The following SSC4D variants were observed in gnomAD, a reference collection of about 807,000 sequenced individuals.
SSC4D encodes the protein scavenger receptor cysteine rich family member with 4 domains, also known as scavenger receptor cysteine-rich domain-containing group B protein.
SSC4D carries 57 observed loss-of-function variants against 63.4 expected under a neutral mutation model. The observed-to-expected ratio is 0.90, with a 90% CI of 0.73 to 1.12. The LOEUF (loss-of-function observed/expected upper bound fraction) is 1.12, where lower values mean the gene tolerates loss of function less well. SSC4D is among the 50% of genes most tolerant of loss of function. SSC4D has a pLI of 0.00. For missense variants in SSC4D, 791 were observed against 806.4 expected (o/e 0.98, Z 0.23); for synonymous variants, 352 against 345.4 (o/e 1.02, Z -0.21).
chr7:76,406,717 A>T (rs1430108034), intron 1 of SSC4D, among the ~76,000 whole-genome samples: 3 of 150,784 alleles, frequency 2.0e-5, no homozygotes, highest in Non-Finnish European at 4.4e-5. Context: ...CTGGTCTCAA[A>T]CTCCTGGCCT....
rs1804937203 is a variant in SSC4D, at chr7:76,404,517, G to T, written c.-66-12C>A. ...CACAGTTGGAACATCTGAAATTAAA[G>T]ATCCCAAATGTTGCTGGGCCTCCCA... On this transcript the variant is annotated splice_polypyrimidine_tract_variant and intron_variant, in intron 1 of 10. Coordinates refer to ENST00000275560, the MANE Select transcript of SSC4D (RefSeq NM_080744.2). 2 of 1,607,792 alleles carry T rather than the reference G, an allele frequency of 1.2e-6. No homozygotes were observed. Among genetic ancestry groups the T allele is most frequent in the South Asian group, 2.2e-5 (2 of 90,864 alleles).
chr7:76,392,359 G>C lies in SSC4D; in HGVS notation c.1334-318C>G, dbSNP rs980150383. Among the ~76,000 whole-genome samples the C allele has an allele frequency of 2.6e-5, 4 of 152,050 alleles. No homozygotes were observed. The East Asian group carries it at 7.7e-4, about 29-fold the overall frequency. The stretch of plus-strand genomic sequence containing the variant: ...AGGTCAGGAGTTCGTAGACCAGCCT[G>C]GCCAACATGGTGAAACCCCGTCTCT... On this transcript the variant is annotated intron_variant, in intron 9 of 10. Coordinates refer to ENST00000275560, the MANE Select transcript of SSC4D (RefSeq NM_080744.2).
Position 76,402,326 on chromosome 7 carries a change from C to T in SSC4D, c.134-1283G>A, listed in dbSNP as rs539701513. On this transcript the variant is annotated intron_variant, in intron 2 of 10. Coordinates refer to ENST00000275560, the MANE Select transcript of SSC4D (RefSeq NM_080744.2). ...TCCCGAGTAATTGGGACTGCAGGCG[C>T]ACACCGCCACACCCAGCTAATTTTT... 1.0e-3 allele frequency among the ~76,000 whole-genome samples: 153 copies of T among 151,590 alleles called. 1 individual carries two copies. The highest frequency in any genetic ancestry group is 3.6e-3 in the African/African-American group (150 of 41,344).
At chr7:76,405,323 T>C (rs57079985) in intron 1 of SSC4D, among the ~76,000 whole-genome samples, 1,329 of 29,092 alleles carry the variant, frequency 0.046, 101 homozygotes, top group African/African-American at 0.14. Flanking sequence ...ATATGTATTT[T>C]TTTCTTTCTT....
At chr7:76,391,396 G>A (rs997347224) in intron 10 of SSC4D, among the ~76,000 whole-genome samples, 16 of 152,166 alleles carry the variant, frequency 1.1e-4, no homozygotes, top group African/African-American at 3.9e-4. Flanking sequence ...CTGCACTCCA[G>A]CCTGGGTGAC....
chr7:76,407,813 A>T (rs1361163056), intron 1 of SSC4D, among the ~76,000 whole-genome samples: 1 of 152,194 alleles, frequency 6.6e-6, no homozygotes, highest in Non-Finnish European at 1.5e-5. Context: ...AGTGTCCCAG[A>T]AGCCTCTCTC....
At chr7:76,406,557 C>G (rs577993804) in intron 1 of SSC4D, among the ~76,000 whole-genome samples, 1 of 152,016 alleles carries the variant, frequency 6.6e-6, no homozygotes, top group East Asian at 1.9e-4. Flanking sequence ...GATCATGGCT[C>G]ACTGCAACCT....
At position 76,397,813 on chromosome 7, in the gene SSC4D, C is replaced by T. The variant is rs747375337; in HGVS notation, c.573G>A (p.Leu191=). 6 of 1,588,624 alleles carry T rather than the reference C, an allele frequency of 3.8e-6. No individual in the cohort carries two copies. The Admixed American group carries it at 8.8e-5, about 23-fold the overall frequency. Residue 191 remains leucine, a synonymous_variant, in exon 6 of 11, where the codon CTG becomes CTA. Transcript: ENST00000275560. ...PNGKSEGSVR[L]VGGANLCQGR... is the part of the protein sequence containing the mutation. Reference sequence around the variant, plus strand: ...CCTGACACAGGTTCGCGCCCCCTACCAGGCGTACGCTGCCCTCACCTGGGG... The same window carrying T: ...CCTGACACAGGTTCGCGCCCCCTACTAGGCGTACGCTGCCCTCACCTGGGG...
intron 10 of SSC4D, among the ~76,000 whole-genome samples, chr7:76,390,764 C>T (rs1804479666): frequency 6.6e-6 from 1 of 152,066 alleles, no homozygotes; most frequent in Non-Finnish European, 1.5e-5. Context: ...TTGCAGTGAG[C>T]CGAGATCGTG....
chr7:76,390,063 G>A lies in SSC4D; in HGVS notation c.1724C>T (p.Ser575Leu). 6.2e-7 allele frequency: 1 copy of A among 1,614,228 alleles called. No homozygotes were observed. Among genetic ancestry groups the A allele is most frequent in the Non-Finnish European group, 8.5e-7 (1 of 1,180,032 alleles). Residue 575 changes from serine to leucine, a missense_variant, in exon 11 of 11, where the codon TCA (serine) becomes TTA (leucine). Transcript: ENST00000275560. ...SEDASVLCQP[S>L] is the part of the protein sequence containing the mutation. ...TGGTCTGCAGAGCGGGCTGGGTCAT[G>A]AAGGCTGGCACAGGACACTGGCATC...
rs775775626 is a variant in SSC4D at position 76,390,033 on chromosome 7, A to G, written c.*26T>C. On this transcript the variant is annotated 3_prime_UTR_variant, in exon 11 of 11. Coordinates refer to ENST00000275560, the MANE Select transcript of SSC4D (RefSeq NM_080744.2). The stretch of plus-strand genomic sequence containing the variant: ...AAGGGAGGTCACAGCTCCCAGAAGA[A>G]GAGGTGGTCTGCAGAGCGGGCTGGG... The G allele has an allele frequency of 6.2e-7, 1 of 1,613,386 alleles. No individual in the cohort carries two copies. Among genetic ancestry groups the G allele is most frequent in the East Asian group, 2.2e-5 (1 of 44,864 alleles).
chr7:76,401,446 C>T (rs1804826299), intron 2 of SSC4D, among the ~76,000 whole-genome samples: 1 of 152,078 alleles, frequency 6.6e-6, no homozygotes, highest in Non-Finnish European at 1.5e-5. Context: ...GACAAAGTCT[C>T]ACTCTTGTCA....
chr7:76,394,973 G>A (rs1447115156), intron 7 of SSC4D, among the ~76,000 whole-genome samples: 2 of 149,912 alleles, frequency 1.3e-5, no homozygotes, highest in African/African-American at 2.4e-5. Context: ...AAAGTGCTGG[G>A]ATTATAGGAG....
Position 76,400,455 on chromosome 7 carries a change from GC to G in SSC4D, c.305del (p.Gly102AlafsTer33). On this transcript the variant is annotated frameshift_variant, in exon 4 of 11. Transcript: ENST00000275560. LOFTEE classifies it high-confidence loss of function. ...GGGGCCGTGGCACGGGCAGTGCCAG[GC>G]CACAGCCCAGCTGGCGACACACTAC... is the stretch of plus-strand genomic sequence containing the variant. ...ANVVCRQLGC[G>X]LALPVPRPLA... The G allele has an allele frequency of 6.2e-7, 1 of 1,608,764 alleles. No individual in the cohort carries two copies.
chr7:76,401,648 C>G (rs556969823), intron 2 of SSC4D, among the ~76,000 whole-genome samples: 1 of 152,274 alleles, frequency 6.6e-6, no homozygotes, highest in South Asian at 2.1e-4. Context: ...AACTCCTGAC[C>G]TCAGGTAATC....
In SSC4D at chr7:76,404,500, G is replaced by T; in HGVS notation, c.-61C>A. ...AGGCGCCAGGGAGAAGTCACAGTTG[G>T]AACATCTGAAATTAAAGATCCCAAA... On this transcript the variant is annotated 5_prime_UTR_variant, in exon 2 of 11. Coordinates refer to ENST00000275560, the MANE Select transcript of SSC4D (RefSeq NM_080744.2). 6.2e-7 allele frequency: 1 copy of T among 1,611,992 alleles called. No homozygotes were observed. The highest frequency in any genetic ancestry group is 8.5e-7 in the Non-Finnish European group (1 of 1,179,562).
Position 76,397,535 on chromosome 7 carries a change from G to C in SSC4D, c.851C>G (p.Ala284Gly). Residue 284 changes from alanine (A) to glycine (G), a missense_variant, in exon 6 of 11, where the codon GCG becomes GGG. Ala to Gly is a moderately conservative substitution (Grantham distance 60). Transcript: ENST00000275560. ...GVHNCGHHED[A>G]GALCAGLGPP... ...GCCCGCACCTGCGCAGAGCGCGCCC[G>C]CGTCCTCGTGGTGGCCGCAGTTGTG... The C allele has an allele frequency of 6.4e-7, 1 of 1,574,134 alleles. No homozygotes were observed. The highest frequency in any genetic ancestry group is 8.6e-7 in the Non-Finnish European group (1 of 1,160,844).
Position 76,393,342 on chromosome 7 carries a change from C to T in SSC4D, c.1333+63G>A, listed in dbSNP as rs1382040661. ...GAGAGGCCTCGCGCGTGGCGCCGCC[C>T]CGCCCCTCCCACGCCGCAGTGCGCG... is the stretch of plus-strand genomic sequence containing the variant. On this transcript the variant is annotated intron_variant, in intron 9 of 10. Transcript: ENST00000275560. 4 of 1,291,244 alleles carry T rather than the reference C, an allele frequency of 3.1e-6. No individual in the cohort carries two copies. The African/African-American group carries it at 4.6e-5, about 15-fold the overall frequency. The allele number at this position is 1,291,244 out of a possible 1,614,324, so 80.0% of individuals were successfully genotyped here.
rs763429612 is a variant in SSC4D at position 76,400,504 on chromosome 7, T to G, written c.257A>C (p.Asp86Ala). Residue 86 changes from aspartate to alanine, a missense_variant, in exon 4 of 11, where the codon GAC (aspartate) becomes GCC (alanine). Transcript: ENST00000275560. Reference sequence around the variant, plus strand: ...TACGTTGGCGTCCACCACGTCCCAGTCGTCATCACAGACGCTGCCCCAGGA... The same window carrying G: ...TACGTTGGCGTCCACCACGTCCCAGGCGTCATCACAGACGCTGCCCCAGGA... Reference protein sequence around the residue: ...GGSWGSVCDDDWDVVDANVVC... With the variant: ...GGSWGSVCDDAWDVVDANVVC... 1.9e-6 allele frequency: 3 copies of G among 1,597,250 alleles called. No individual in the cohort carries two copies. In the African/African-American group the frequency reaches 4.0e-5, roughly 21 times the overall value.
Sources: allele counts gnomAD v4.1 joint callset (sites outside exome capture counted in the v4.1 genomes callset), GRCh38; gene constraint gnomAD v4.1.1; transcripts MANE v1.5; gene names NCBI Gene and HGNC (gene_info 2026-07-23, HGNC 2026-07-21).